Variants in SLC16A7 observed in about 807,000 individuals in gnomAD.
The protein encoded by SLC16A7 is monocarboxylate transporter 2.
SLC16A7 carries 33 observed loss-of-function variants against 34.9 expected under a neutral mutation model. The observed-to-expected ratio is 0.94, with a 90% CI of 0.72 to 1.26. SLC16A7 has a LOEUF of 1.26. Ranked by LOEUF, SLC16A7 falls within the 50% of genes most tolerant of loss-of-function variation. The probability of loss-of-function intolerance (pLI) is 0.00; values close to 1 mark genes in which losing one functional copy is unlikely to be tolerated. For synonymous variants in SLC16A7, 201 were observed against 206.6 expected (o/e 0.97, Z 0.23); for missense variants, 573 against 578.1 (o/e 0.99, Z 0.09).
chr12:59,694,312 A>G (rs759189772), intron 2 of SLC16A7, among the ~76,000 whole-genome samples: 1 of 151,956 alleles, frequency 6.6e-6, no homozygotes, highest in African/African-American at 2.4e-5. Flanking sequence ...CTTTGTAGTC[A>G]GACACACAAA....
At chr12:59,712,425 T>C (rs1019589169) in intron 3 of SLC16A7, among the ~76,000 whole-genome samples, 11 of 152,224 alleles carry the variant, frequency 7.2e-5, no homozygotes, top group Admixed American at 5.2e-4. Flanking sequence ...TGGTCATTCT[T>C]TTTGGGCCAT....
intron 1 of SLC16A7, among the ~76,000 whole-genome samples, chr12:59,617,265 A>G (rs1879495589): frequency 1.3e-5 from 2 of 151,960 alleles, no homozygotes; most frequent in Non-Finnish European, 2.9e-5. Context: ...CACCCTTCTC[A>G]TCCGTTTTAT....
chr12:59,661,765 T>A (rs903516060), intron 2 of SLC16A7, among the ~76,000 whole-genome samples: 1 of 152,102 alleles, frequency 6.6e-6, no homozygotes, highest in African/African-American at 2.4e-5. Flanking sequence ...TTTTCTAGGA[T>A]GTATTAAAAC....
rs1384254968 is a variant in SLC16A7, at chr12:59,787,393, T to C, written c.*7714T>C. 6.6e-6 allele frequency: 1 copy of C among 152,158 alleles called. No homozygotes were observed. The highest frequency in any genetic ancestry group is 2.4e-5 in the African/African-American group (1 of 41,430). 9.4% of individuals were successfully genotyped at this position (152,158 alleles called of 1,614,324 possible). On this transcript the variant is annotated 3_prime_UTR_variant, in exon 6 of 6. Coordinates refer to ENST00000547379, the MANE Select transcript of SLC16A7 (RefSeq NM_001270623.2). ...AATGTTTTCTTCACCTAATAAACAA[T>C]ACTAAAATCCATAACAGCTGTCTGG...
intron 2 of SLC16A7, among the ~76,000 whole-genome samples, chr12:59,688,062 C>G (rs1871293991): frequency 6.6e-6 from 1 of 152,106 alleles, no homozygotes; most frequent in Non-Finnish European, 1.5e-5. Flanking sequence ...CATTCCTTCC[C>G]TTCAACATGG....
chr12:59,675,294 G>T (rs558335593), intron 2 of SLC16A7, among the ~76,000 whole-genome samples: 1 of 152,334 alleles, frequency 6.6e-6, no homozygotes, highest in East Asian at 1.9e-4. Context: ...TGGAGATGGT[G>T]CCTTTGGGAG....
At chr12:59,626,662 T>A (rs1879942630) in intron 1 of SLC16A7, among the ~76,000 whole-genome samples, 1 of 151,708 alleles carries the variant, frequency 6.6e-6, no homozygotes, top group South Asian at 2.1e-4. Context: ...CATATGACTA[T>A]CATCATATTA....
At position 59,615,305 on chromosome 12, in the gene SLC16A7, T is replaced by A. The variant is rs1449842691; in HGVS notation, c.-130+19069T>A. The stretch of plus-strand genomic sequence containing the variant: ...AGCACAAACAGACTAAGAGAACAGG[T>A]CTCTCCTTTTCACATCCGTGAGAAG... On this transcript the variant is annotated intron_variant, in intron 1 of 5. Coordinates refer to ENST00000547379, the MANE Select transcript of SLC16A7 (RefSeq NM_001270623.2). 3.9e-5 allele frequency among the ~76,000 whole-genome samples: 6 copies of A among 152,168 alleles called. No individual in the cohort carries two copies. In the East Asian group the frequency reaches 1.2e-3, roughly 29 times the overall value.
chr12:59,685,379 A>C (rs2137081377), intron 2 of SLC16A7, among the ~76,000 whole-genome samples: 1 of 152,278 alleles, frequency 6.6e-6, no homozygotes, highest in African/African-American at 2.4e-5. Context: ...GAAATGATCT[A>C]TTTCAGCTTT....
intron 1 of SLC16A7, among the ~76,000 whole-genome samples, chr12:59,624,145 C>T (rs950746084): frequency 6.6e-6 from 1 of 151,428 alleles, no homozygotes; most frequent in African/African-American, 2.4e-5. Flanking sequence ...ATTGAACCTA[C>T]CAGCCAACTC....
At chr12:59,762,467 T>G (rs781031660) in intron 3 of SLC16A7, among the ~76,000 whole-genome samples, 2 of 152,148 alleles carry the variant, frequency 1.3e-5, no homozygotes, top group Non-Finnish European at 2.9e-5. Flanking sequence ...TGTGTATTAT[T>G]TATTTATATC....
At chr12:59,626,279 T>C (rs1415653692) in intron 1 of SLC16A7, among the ~76,000 whole-genome samples, 1 of 151,784 alleles carries the variant, frequency 6.6e-6, no homozygotes, top group Non-Finnish European at 1.5e-5. Flanking sequence ...GAAGAACTTA[T>C]GACTTAAAAG....
At chr12:59,651,255 G>A (rs1327474161) in intron 1 of SLC16A7, among the ~76,000 whole-genome samples, 1 of 152,124 alleles carries the variant, frequency 6.6e-6, no homozygotes, top group Non-Finnish European at 1.5e-5. Flanking sequence ...CTATAACAAA[G>A]AAGTGAGAAC....
At chr12:59,646,085 G>T (rs577847560) in intron 1 of SLC16A7, among the ~76,000 whole-genome samples, 7 of 152,104 alleles carry the variant, frequency 4.6e-5, no homozygotes, top group Non-Finnish European at 7.4e-5. Context: ...CTAACAATAC[G>T]ATAGAAAAGA....
chr12:59,628,299 A>T (rs1239449756), intron 1 of SLC16A7, among the ~76,000 whole-genome samples: 1 of 151,796 alleles, frequency 6.6e-6, no homozygotes, highest in East Asian at 1.9e-4. Flanking sequence ...TTACACTATC[A>T]TATATTTTTA....
rs904532881 is a variant in SLC16A7 at position 59,785,967 on chromosome 12, T to G, written c.*6288T>G. ...ACCAAACACCGCATATTCTCACTCATAGGTGGGAACTGAACAATGAGAACA... is the reference window on the plus strand; with the variant it reads ...ACCAAACACCGCATATTCTCACTCAGAGGTGGGAACTGAACAATGAGAACA... On this transcript the variant is annotated 3_prime_UTR_variant, in exon 6 of 6. Transcript: ENST00000547379. The G allele has an allele frequency of 7.2e-6, 1 of 139,776 alleles. No homozygotes were observed. The highest frequency in any genetic ancestry group is 3.9e-3 in the Middle Eastern group (1 of 254). The allele number at this position is 139,776 out of a possible 1,614,324, so 8.7% of individuals were successfully genotyped here.
intron 2 of SLC16A7, among the ~76,000 whole-genome samples, chr12:59,659,684 C>T (rs1868734151): frequency 6.6e-6 from 1 of 152,058 alleles, no homozygotes; most frequent in African/African-American, 2.4e-5. Context: ...TGGGGTTTCT[C>T]ATTTGAACTT....
At chr12:59,687,289 T>A (rs369997297) in intron 2 of SLC16A7, among the ~76,000 whole-genome samples, 1 of 152,008 alleles carries the variant, frequency 6.6e-6, no homozygotes, top group Non-Finnish European at 1.5e-5. Flanking sequence ...TTTTTGTCCC[T>A]GCTATCCTGC....
At chr12:59,689,218 G>A (rs1468081301) in intron 2 of SLC16A7, 1 of 151,978 alleles carries the variant, frequency 6.6e-6, no homozygotes, top group Admixed American at 6.6e-5. Context: ...GCTTCTCAGA[G>A]TTGGCATTTA....
Sources: allele counts gnomAD v4.1 joint callset (sites outside exome capture counted in the v4.1 genomes callset), GRCh38; gene constraint gnomAD v4.1.1; transcripts MANE v1.5; gene names NCBI Gene and HGNC (gene_info 2026-07-23, HGNC 2026-07-21).